Variants in PLAGL2 observed in about 807,000 individuals in gnomAD.
The protein encoded by PLAGL2 is PLAG1 like zinc finger 2.
Under a neutral mutation model 29.0 loss-of-function variants are expected in PLAGL2, and 7 were observed. That is an observed-to-expected ratio of 0.24 (90% CI 0.14 to 0.45). The LOEUF (loss-of-function observed/expected upper bound fraction) is 0.45. Ranked by LOEUF, PLAGL2 falls within the 20% of genes least tolerant of loss-of-function variation. The probability of loss-of-function intolerance (pLI) is 0.99; values close to 1 mark genes in which losing one functional copy is unlikely to be tolerated. For synonymous variants in PLAGL2, 234 were observed against 266.0 expected (o/e 0.88, Z 1.17); for missense variants, 454 against 648.2 (o/e 0.70, Z 3.25).
In PLAGL2 at chr20:32,202,151, G is replaced by C. The variant is rs1159342973; in HGVS notation, c.28C>G (p.Pro10Ala). MTTFFTSVP[P>A]WIQDAKQEEE... ...TCCTGCTTTGCATCTTGAATCCAGG[G>C]GGGGACGCTGGTGAAAAATGTGGTC... Residue 10 changes from proline to alanine, a missense_variant, in exon 2 of 3, where the codon CCC becomes GCC. This residue lies in a region of PLAGL2 where 89 missense variants were observed against 90.4 expected (regional missense o/e 0.98). Coordinates refer to ENST00000246229, the MANE Select transcript of PLAGL2 (RefSeq NM_002657.3). 2 of 1,614,058 alleles carry C rather than the reference G, an allele frequency of 1.2e-6. No individual in the cohort carries two copies. Among genetic ancestry groups the C allele is most frequent in the Non-Finnish European group, 1.7e-6 (2 of 1,180,054 alleles).
At chr20:32,205,338 C>T (rs1444566868) in intron 1 of PLAGL2, among the ~76,000 whole-genome samples, 1 of 152,150 alleles carries the variant, frequency 6.6e-6, no homozygotes. Flanking sequence ...TCCCTCACAA[C>T]TAACCCTCGG....
rs2047297911 is a variant in PLAGL2, at chr20:32,207,711, T to G, written c.-185A>C. The G allele has an allele frequency of 3.3e-6, 1 of 303,366 alleles. No individual in the cohort carries two copies. The highest frequency in any genetic ancestry group is 5.5e-6 in the Non-Finnish European group (1 of 182,836). The allele number at this position is 303,366 out of a possible 1,614,324, so 18.8% of individuals were successfully genotyped here. Reference sequence around the variant, plus strand: ...GCCAGGCCCCCTCAGGCCCCGGTAGTGGCGGCGGTCGGGCCATTGTGCGGT... The same window carrying G: ...GCCAGGCCCCCTCAGGCCCCGGTAGGGGCGGCGGTCGGGCCATTGTGCGGT... On this transcript the variant is annotated 5_prime_UTR_variant, in exon 1 of 3. Coordinates refer to ENST00000246229, the MANE Select transcript of PLAGL2 (RefSeq NM_002657.3).
In PLAGL2 at chr20:32,202,076, C is replaced by G; in HGVS notation, c.103G>C (p.Glu35Gln). The G allele has an allele frequency of 6.2e-7, 1 of 1,614,248 alleles. No homozygotes were observed. Among genetic ancestry groups the G allele is most frequent in the African/African-American group, 1.3e-5 (1 of 75,068 alleles). The change falls in exon 2 of 3, where the codon GAG (glutamate) becomes CAG (glutamine). Residue 35 changes from glutamate (E) to glutamine (Q), a missense_variant. By Grantham distance (29) the Glu-to-Gln change is conservative. Transcript: ENST00000246229. ...TCACATTGGCACTTCACTTGACTCT[C>G]CGCCTCCCGGCCCCGAGGCCTGGGA... ...LVPRPRGREA[E>Q]SQVKCQCEIS...
At position 32,196,594 on chromosome 20, in the gene PLAGL2, A is replaced by G; in HGVS notation, c.1349T>C (p.Leu450Pro). Reference sequence around the variant, plus strand: ...TTGAGGCTGAGCTTGCAAAGTGGTAAGCAGGGGCTGTGCCTCAGCCTGGGA... The same window carrying G: ...TTGAGGCTGAGCTTGCAAAGTGGTAGGCAGGGGCTGTGCCTCAGCCTGGGA... The part of the protein sequence containing the change: ...GYSQAEAQPL[L>P]TTLQAQPQDS... Residue 450 changes from leucine to proline, a missense_variant, in exon 3 of 3, where the codon CTT becomes CCT. By Grantham distance (98) the Leu-to-Pro change is moderately conservative (BLOSUM62 -3). Transcript: ENST00000246229. 1 of 1,538,602 alleles carries G rather than the reference A, an allele frequency of 6.5e-7. No homozygotes were observed. The highest frequency in any genetic ancestry group is 8.7e-7 in the Non-Finnish European group (1 of 1,147,048).
In PLAGL2 at chr20:32,202,152, G is replaced by T; in HGVS notation, c.27C>A (p.Pro9=). 4.3e-6 allele frequency: 7 copies of T among 1,614,158 alleles called. No individual in the cohort carries two copies. Among genetic ancestry groups the T allele is most frequent in the Non-Finnish European group, 5.9e-6 (7 of 1,180,040 alleles). The change falls in exon 2 of 3, where the codon CCC becomes CCA. Residue 9 remains proline, a synonymous_variant. Coordinates refer to ENST00000246229, the MANE Select transcript of PLAGL2 (RefSeq NM_002657.3). ...CCTGCTTTGCATCTTGAATCCAGGGGGGGACGCTGGTGAAAAATGTGGTCA... is the reference window on the plus strand; with the variant it reads ...CCTGCTTTGCATCTTGAATCCAGGGTGGGACGCTGGTGAAAAATGTGGTCA... MTTFFTSV[P]PWIQDAKQEE... is the part of the protein sequence containing the mutation.
rs374264879 is a variant in PLAGL2 at position 32,202,121 on chromosome 20, C to G, written c.58G>C (p.Glu20Gln). 5 of 1,614,220 alleles carry G rather than the reference C, an allele frequency of 3.1e-6. No homozygotes were observed. Among genetic ancestry groups the G allele is most frequent in the Non-Finnish European group, 3.4e-6 (4 of 1,180,016 alleles). Residue 20 changes from glutamate (E) to glutamine (Q), a missense_variant, in exon 2 of 3, where the codon GAA becomes CAA. Around this residue, in one of 4 missense-constraint regions of PLAGL2, gnomAD observed 89 missense variants for 90.4 expected, o/e 0.98. Coordinates refer to ENST00000246229, the MANE Select transcript of PLAGL2 (RefSeq NM_002657.3). ...PWIQDAKQEEEVGWKLVPRPR... is the reference protein window; with the variant it reads ...PWIQDAKQEEQVGWKLVPRPR... ...CTGGGAACTAGTTTCCAGCCCACTT[C>G]CTCCTCCTGCTTTGCATCTTGAATC...
intron 1 of PLAGL2, among the ~76,000 whole-genome samples, chr20:32,205,205 CCT>C (rs1176182697): frequency 6.6e-6 from 1 of 152,186 alleles, no homozygotes; most frequent in African/African-American, 2.4e-5. Flanking sequence ...GCTGTGTCTG[CCT>C]CTTTTTCCGC....
rs1470503666 is a variant in PLAGL2, at chr20:32,194,866, C to A, written c.*1586G>T. 1 of 152,608 alleles carries A rather than the reference C, an allele frequency of 6.6e-6. No homozygotes were observed. Among genetic ancestry groups the A allele is most frequent in the Non-Finnish European group, 1.5e-5 (1 of 68,050 alleles). 9.5% of individuals were successfully genotyped at this position (152,608 alleles called of 1,614,324 possible). A position where few individuals can be genotyped will look rare whatever the true frequency, so the allele number is the denominator to read the frequency against. On this transcript the variant is annotated 3_prime_UTR_variant, in exon 3 of 3. Coordinates refer to ENST00000246229, the MANE Select transcript of PLAGL2 (RefSeq NM_002657.3). ...ATCAGAGTGGAAGCGTCTCAAGGGT[C>A]CCACAGTGGAGGTCCCTGAGCTACC...
At chr20:32,199,289 C>CAA (rs1393079574) in intron 2 of PLAGL2, among the ~76,000 whole-genome samples, 5 of 152,172 alleles carry the variant, frequency 3.3e-5, no homozygotes. Flanking sequence ...TATGCATGCT[C>CAA]AAGAGTGCTC....
At chr20:32,203,689 C>T (rs992041986) in intron 1 of PLAGL2, among the ~76,000 whole-genome samples, 4 of 152,208 alleles carry the variant, frequency 2.6e-5, no homozygotes, top group Non-Finnish European at 5.9e-5. Flanking sequence ...CTGCTGCTTA[C>T]AGTGACCATT....
intron 2 of PLAGL2, among the ~76,000 whole-genome samples, chr20:32,201,494 G>A (rs1161435487): frequency 6.6e-6 from 1 of 152,090 alleles, no homozygotes; most frequent in African/African-American, 2.4e-5. Flanking sequence ...TGAGTCAAGA[G>A]AATCACTTGA....
chr20:32,200,489 G>C (rs2047253447), intron 2 of PLAGL2, among the ~76,000 whole-genome samples: 1 of 152,184 alleles, frequency 6.6e-6, no homozygotes, highest in Non-Finnish European at 1.5e-5. Context: ...GCCTCCCAAA[G>C]TGCTGGGATT....
rs2047214674 is a variant in PLAGL2, at chr20:32,193,909, C to T, written c.*2543G>A. 6.6e-6 allele frequency: 1 copy of T among 151,924 alleles called. No individual in the cohort carries two copies. Among genetic ancestry groups the T allele is most frequent in the Admixed American group, 6.6e-5 (1 of 15,200 alleles). The allele number at this position is 151,924 out of a possible 1,614,324, so 9.4% of individuals were successfully genotyped here. On this transcript the variant is annotated 3_prime_UTR_variant, in exon 3 of 3. Transcript: ENST00000246229. Reference sequence around the variant, plus strand: ...CAAAGTTCACAGTGATAGGAAAATTCCTTGTGGGTGCTGAGGACACTGAGA... The same window carrying T: ...CAAAGTTCACAGTGATAGGAAAATTTCTTGTGGGTGCTGAGGACACTGAGA...
intron 1 of PLAGL2, among the ~76,000 whole-genome samples, chr20:32,204,311 A>G (rs955138887): frequency 1.3e-5 from 2 of 152,156 alleles, no homozygotes; most frequent in Non-Finnish European, 2.9e-5. Context: ...ACAAACTCAG[A>G]AAGAGAACAT....
chr20:32,192,539 A>G lies in PLAGL2; in HGVS notation c.*3913T>C, dbSNP rs772460246. ...TCAGAAGTTTTTAATAAACAACTTC[A>G]TTATAAAAACCTTTTTTTGAAAATG... On this transcript the variant is annotated 3_prime_UTR_variant, in exon 3 of 3. Transcript: ENST00000246229. The G allele has an allele frequency of 1.1e-4, 17 of 152,650 alleles. No homozygotes were observed. Among genetic ancestry groups the G allele is most frequent in the Non-Finnish European group, 2.1e-4 (14 of 68,042 alleles). The allele number at this position is 152,650 out of a possible 1,614,324, so 9.5% of individuals were successfully genotyped here.
At chr20:32,204,755 C>G (rs539814707) in intron 1 of PLAGL2, among the ~76,000 whole-genome samples, 10 of 152,210 alleles carry the variant, frequency 6.6e-5, no homozygotes, top group Non-Finnish European at 1.3e-4. Context: ...AGGCCTGTTC[C>G]TTCAGACTTG....
At position 32,192,803 on chromosome 20, in the gene PLAGL2, G is replaced by A. The variant is rs1172641517; in HGVS notation, c.*3649C>T. 1 of 152,660 alleles carries A rather than the reference G, an allele frequency of 6.6e-6. No homozygotes were observed. The highest frequency in any genetic ancestry group is 2.4e-5 in the African/African-American group (1 of 41,468). The allele number at this position is 152,660 out of a possible 1,614,324, so 9.5% of individuals were successfully genotyped here. A position where few individuals can be genotyped will look rare whatever the true frequency, so the allele number is the denominator to read the frequency against. On this transcript the variant is annotated 3_prime_UTR_variant, in exon 3 of 3. Transcript: ENST00000246229. ...CTTGACCGCTGGTAGGGAGGGAGAA[G>A]CATGAGAAGTGGTGTCTCAGGAGTT... is the stretch of plus-strand genomic sequence containing the variant.
chr20:32,197,724 G>T lies in PLAGL2; in HGVS notation c.261-42C>A, dbSNP rs758048975. Reference sequence around the variant, plus strand: ...GGGATAGGGGAGAAAGCAGAAAGAGGGGAGATCACAAGGGATGACTGGACA... The same window carrying T: ...GGGATAGGGGAGAAAGCAGAAAGAGTGGAGATCACAAGGGATGACTGGACA... On this transcript the variant is annotated intron_variant, in intron 2 of 2. Coordinates refer to ENST00000246229, the MANE Select transcript of PLAGL2 (RefSeq NM_002657.3). This position sits in a 1 kb window ranked among gnomAD's most constrained non-coding sequence, Gnocchi z 6.6. 2.6e-6 allele frequency: 4 copies of T among 1,563,624 alleles called. No individual in the cohort carries two copies. The highest frequency in any genetic ancestry group is 2.6e-6 in the Non-Finnish European group (3 of 1,142,184).
chr20:32,197,806 A>G lies in PLAGL2; in HGVS notation c.261-124T>C, dbSNP rs1430315235. The G allele has an allele frequency of 1.8e-5, 13 of 727,880 alleles. No homozygotes were observed. The highest frequency in any genetic ancestry group is 1.4e-4 in the African/African-American group (8 of 56,794). 45.1% of individuals were successfully genotyped at this position (727,880 alleles called of 1,614,324 possible). ...ATAAAAACCATGGTAAAGGCTTGCA[A>G]TGCAATACCAAACCAGTTATATTCT... On this transcript the variant is annotated intron_variant, in intron 2 of 2. Transcript: ENST00000246229. The surrounding 1 kb of genome is among the most constrained non-coding windows in gnomAD (Gnocchi z 6.6).
Sources: allele counts gnomAD v4.1 joint callset (sites outside exome capture counted in the v4.1 genomes callset), GRCh38; gene constraint gnomAD v4.1.1; regional missense constraint gnomAD v4.1.1; non-coding constraint Gnocchi (gnomAD v3.1); transcripts MANE v1.5; gene names NCBI Gene and HGNC (gene_info 2026-07-23, HGNC 2026-07-21).